The following PCDHGA1 variants were observed in gnomAD, a reference collection of about 807,000 sequenced individuals.
PCDHGA1 encodes the protein protocadherin gamma subfamily A, 1.
Under a neutral mutation model 58.0 loss-of-function variants are expected in PCDHGA1, and 32 were observed. The ratio of observed to expected loss-of-function variants is 0.55; its 90% CI spans 0.42 to 0.74. The LOEUF (loss-of-function observed/expected upper bound fraction) is 0.74. Ranked by LOEUF, PCDHGA1 falls within the 30% of genes least tolerant of loss-of-function variation. PCDHGA1 has a pLI of 0.00. For synonymous variants in PCDHGA1, 498 were observed against 501.1 expected (o/e 0.99, Z 0.08); for missense variants, 1,205 against 1,182.3 (o/e 1.02, Z -0.28).
At chr5:141,463,741 C>T (rs1011021860) in intron 1 of PCDHGA1, among the ~76,000 whole-genome samples, 3 of 152,034 alleles carry the variant, frequency 2.0e-5, no homozygotes, top group Admixed American at 1.3e-4. Context: ...CCACCGCGCC[C>T]GGCCTGCTTC....
intron 1 of PCDHGA1, chr5:141,366,250 G>A (rs1476743784): frequency 6.2e-7 from 1 of 1,613,746 alleles, no homozygotes; most frequent in Non-Finnish European, 8.5e-7. Flanking sequence ...CGCTCAAGCA[G>A]AGCCTCGTGG....
chr5:141,358,975 A>C (rs1242979325), intron 1 of PCDHGA1, among the ~76,000 whole-genome samples: 1 of 152,266 alleles, frequency 6.6e-6, no homozygotes, highest in Non-Finnish European at 1.5e-5. Flanking sequence ...GTGAGAATTC[A>C]AAATTCATGA....
chr5:141,474,488 A>C (rs2099350464), intron 1 of PCDHGA1, among the ~76,000 whole-genome samples: 1 of 152,208 alleles, frequency 6.6e-6, no homozygotes. Flanking sequence ...AATGTATTCT[A>C]TCTTCTAATG....
intron 1 of PCDHGA1, among the ~76,000 whole-genome samples, chr5:141,357,968 T>C (rs1760776838): frequency 6.6e-6 from 1 of 152,172 alleles, no homozygotes; most frequent in Non-Finnish European, 1.5e-5. Context: ...GGAGGACGGA[T>C]TGCCTGAGCT....
chr5:141,415,935 C>A, intron 1 of PCDHGA1: 1 of 601,886 alleles, frequency 1.7e-6, no homozygotes, highest in Non-Finnish European at 2.4e-6. Context: ...TTTATATTTC[C>A]TCCTGGGTGG....
chr5:141,423,875 A>G (rs1354115544), intron 1 of PCDHGA1: 8 of 1,282,448 alleles, frequency 6.2e-6, no homozygotes, highest in African/African-American at 3.1e-5. Context: ...TCATTTTTCA[A>G]TCTTGGCATA....
chr5:141,352,525 T>C (rs1759037139), intron 1 of PCDHGA1: 2 of 1,614,020 alleles, frequency 1.2e-6, no homozygotes, highest in Non-Finnish European at 1.7e-6. Flanking sequence ...TTGCCTCTCA[T>C]TCTGCAAAGA....
intron 1 of PCDHGA1, chr5:141,418,609 C>G: frequency 6.2e-7 from 1 of 1,614,026 alleles, no homozygotes. Flanking sequence ...ACAGGGTTAG[C>G]CTTCGGGAAG....
rs1205353926 is a variant in PCDHGA1 at position 141,477,969 on chromosome 5, T to A, written c.2422-16838T>A. 6.2e-7 allele frequency: 1 copy of A among 1,613,962 alleles called. No homozygotes were observed. Among genetic ancestry groups the A allele is most frequent in the Non-Finnish European group, 8.5e-7 (1 of 1,180,032 alleles). ...CTCTTGGGATCCCCTAACCAGAGCC[T>A]TTTTGCCATAGGGCTGCACACTGGT... On this transcript the variant is annotated intron_variant, in intron 1 of 3. Coordinates refer to ENST00000517417, the MANE Select transcript of PCDHGA1 (RefSeq NM_018912.3). The surrounding 1 kb of genome is among the most constrained non-coding windows in gnomAD (Gnocchi z 4.9).
intron 1 of PCDHGA1, chr5:141,411,270 A>G (rs1299052773): frequency 6.6e-6 from 1 of 152,160 alleles, no homozygotes; most frequent in African/African-American, 2.4e-5. Context: ...ATATTTTTAA[A>G]GCCTAAAAAT....
rs978973236 is a variant in PCDHGA1, at chr5:141,399,545, C to G, written c.2421+66440C>G. 8 of 1,614,050 alleles carry G rather than the reference C, an allele frequency of 5.0e-6. No homozygotes were observed. In the South Asian group the frequency reaches 6.6e-5, roughly 13 times the overall value. ...GCCTCCATCGCGCAAGTCTGCGCCT[C>G]GGACCTGGACTTGGGGTTGAACGGC... On this transcript the variant is annotated intron_variant, in intron 1 of 3. Transcript: ENST00000517417.
intron 1 of PCDHGA1, chr5:141,411,426 A>T (rs115154023): frequency 6.6e-6 from 1 of 151,648 alleles, no homozygotes; most frequent in Non-Finnish European, 1.5e-5. Flanking sequence ...ACAACAACAA[A>T]AAAAAACATT....
At chr5:141,339,338 A>G in intron 1 of PCDHGA1, 2 of 1,614,260 alleles carry the variant, frequency 1.2e-6, no homozygotes, top group Non-Finnish European at 1.7e-6. Context: ...AGAGGTGGAA[A>G]TAACAGATAT....
chr5:141,365,977 C>A (rs1374916355), intron 1 of PCDHGA1: 5 of 1,614,110 alleles, frequency 3.1e-6, no homozygotes, highest in African/African-American at 2.7e-5. Context: ...TGTCGCTGAG[C>A]CTGTTTGTGC....
intron 1 of PCDHGA1, chr5:141,356,248 A>T (rs1760166144): frequency 6.3e-7 from 1 of 1,577,062 alleles, no homozygotes; most frequent in Non-Finnish European, 8.6e-7. Flanking sequence ...AGTCACAGTT[A>T]CATCTCTCAC....
intron 1 of PCDHGA1, chr5:141,392,814 A>G: frequency 2.5e-6 from 4 of 1,585,078 alleles, no homozygotes; most frequent in South Asian, 2.3e-5. Flanking sequence ...CAAAACAACA[A>G]TGGCCGCTCC....
intron 1 of PCDHGA1, among the ~76,000 whole-genome samples, chr5:141,437,721 A>G (rs2097904045): frequency 6.6e-6 from 1 of 151,664 alleles, no homozygotes; most frequent in African/African-American, 2.4e-5. Flanking sequence ...TTACCCTCTA[A>G]TGTTACACTT....
chr5:141,340,919 G>A (rs374086757), intron 1 of PCDHGA1: 1 of 1,613,660 alleles, frequency 6.2e-7, no homozygotes, highest in Non-Finnish European at 8.5e-7. Context: ...CCAGGACCAC[G>A]GCCAGCCCCC....
At chr5:141,361,398 C>T (rs770221775) in intron 1 of PCDHGA1, 5 of 1,613,888 alleles carry the variant, frequency 3.1e-6, no homozygotes, top group Non-Finnish European at 4.2e-6. Flanking sequence ...ACAATCTCAC[C>T]ATCACAGCCA....
Sources: allele counts gnomAD v4.1 joint callset (sites outside exome capture counted in the v4.1 genomes callset), GRCh38; gene constraint gnomAD v4.1.1; non-coding constraint Gnocchi (gnomAD v3.1); transcripts MANE v1.5; gene names NCBI Gene and HGNC (gene_info 2026-07-23, HGNC 2026-07-21).